LRRIQ3: variants seen among roughly 807,000 people sequenced by gnomAD.
LRRIQ3 encodes leucine rich repeats and IQ motif containing 3, also known as leucine-rich repeat and IQ domain-containing protein 3.
Under a neutral mutation model 59.3 loss-of-function variants are expected in LRRIQ3, and 75 were observed. That is an observed-to-expected ratio of 1.26 (90% confidence interval 1.05 to 1.53). LRRIQ3 has a LOEUF of 1.53. Among genes scored for constraint, LRRIQ3 ranks in the 40% most tolerant of loss-of-function variants. The pLI is 0.00. For missense variants in LRRIQ3, 831 were observed against 710.0 expected (o/e 1.17, Z -1.94); for synonymous variants, 250 against 231.3 (o/e 1.08, Z -0.73).
intron 7 of LRRIQ3, among the ~76,000 whole-genome samples, chr1:74,037,873 C>T (rs2100378680): frequency 6.6e-6 from 1 of 152,288 alleles, no homozygotes; most frequent in South Asian, 2.1e-4. Context: ...GAGGATCCCA[C>T]TCATGAACCC....
At chr1:74,101,232 T>A (rs537267974) in intron 5 of LRRIQ3, among the ~76,000 whole-genome samples, 20 of 151,926 alleles carry the variant, frequency 1.3e-4, no homozygotes, top group Non-Finnish European at 2.4e-4. Flanking sequence ...AACAACCCCA[T>A]CAAAAAGTGG....
chr1:74,163,708 T>A (rs1648794714), intron 3 of LRRIQ3, among the ~76,000 whole-genome samples: 1 of 151,618 alleles, frequency 6.6e-6, no homozygotes, highest in Admixed American at 6.6e-5. Context: ...CCAATAAAAC[T>A]GCTTTAAACA....
chr1:74,075,440 G>T (rs1229351020), intron 5 of LRRIQ3, among the ~76,000 whole-genome samples: 1 of 151,944 alleles, frequency 6.6e-6, no homozygotes, highest in Non-Finnish European at 1.5e-5. Context: ...GGTGGTGCAT[G>T]CCTGTAATCC....
chr1:74,196,068 C>A (rs1475768744), intron 1 of LRRIQ3, among the ~76,000 whole-genome samples: 1 of 151,710 alleles, frequency 6.6e-6, no homozygotes, highest in African/African-American at 2.4e-5. Context: ...GAAGCCATAG[C>A]TGATAATATG....
intron 6 of LRRIQ3, among the ~76,000 whole-genome samples, chr1:74,047,202 T>C (rs970156537): frequency 1.3e-5 from 2 of 152,108 alleles, no homozygotes; most frequent in African/African-American, 4.8e-5. Flanking sequence ...CAAATGCCCA[T>C]CACTGATAGA....
intron 6 of LRRIQ3, among the ~76,000 whole-genome samples, chr1:74,063,089 C>A (rs576890513): frequency 6.7e-6 from 1 of 149,614 alleles, no homozygotes; most frequent in Non-Finnish European, 1.5e-5. Context: ...AAAATCAAAA[C>A]AAAACAAAAC....
chr1:74,075,970 A>G (rs1011387869), intron 5 of LRRIQ3, among the ~76,000 whole-genome samples: 1 of 152,082 alleles, frequency 6.6e-6, no homozygotes, highest in Non-Finnish European at 1.5e-5. Context: ...TCTTCAAATA[A>G]CTTCTGTTTA....
At chr1:74,069,450 T>C (rs1654958949) in intron 6 of LRRIQ3, among the ~76,000 whole-genome samples, 1 of 151,956 alleles carries the variant, frequency 6.6e-6, no homozygotes, top group South Asian at 2.1e-4. Flanking sequence ...TTTAAAAATG[T>C]CTGACCTACA....
chr1:74,075,594 G>A (rs901923629), intron 5 of LRRIQ3, among the ~76,000 whole-genome samples: 5 of 151,978 alleles, frequency 3.3e-5, no homozygotes, highest in Admixed American at 3.3e-4. Flanking sequence ...AAAGAAAAAG[G>A]ACAAATGGAT....
chr1:74,062,650 C>T (rs1418325157), intron 6 of LRRIQ3, among the ~76,000 whole-genome samples: 12 of 152,090 alleles, frequency 7.9e-5, no homozygotes, highest in Admixed American at 7.9e-4. Context: ...GAATACCATG[C>T]AGCCATGAAA....
intron 7 of LRRIQ3, among the ~76,000 whole-genome samples, 183 bp downstream of exon 7, chr1:74,041,030 G>C (rs1197356978): frequency 7.1e-6 from 1 of 140,584 alleles, no homozygotes; most frequent in East Asian, 2.1e-4. Flanking sequence ...GGGAAAGACA[G>C]AGTTATTTTA....
intron 5 of LRRIQ3, among the ~76,000 whole-genome samples, chr1:74,077,211 C>T (rs1444376738): frequency 4.0e-5 from 6 of 151,148 alleles, no homozygotes; most frequent in Admixed American, 6.6e-5. Flanking sequence ...TGATCACTCT[C>T]GTATTTTCCT....
intron 6 of LRRIQ3, among the ~76,000 whole-genome samples, chr1:74,074,111 A>G (rs1406859668): frequency 6.6e-6 from 1 of 152,190 alleles, no homozygotes; most frequent in African/African-American, 2.4e-5. Context: ...ACATAGCCAT[A>G]CAGTAACAAA....
At chr1:74,055,217 C>CAA (rs1475181668) in intron 6 of LRRIQ3, among the ~76,000 whole-genome samples, 32 of 144,132 alleles carry the variant, frequency 2.2e-4, no homozygotes, top group African/African-American at 8.4e-4. Context: ...TATATACACA[C>CAA]ACATACATAT....
intron 3 of LRRIQ3, among the ~76,000 whole-genome samples, chr1:74,179,395 T>C (rs567764038): frequency 1.3e-5 from 2 of 152,090 alleles, no homozygotes; most frequent in African/African-American, 4.8e-5. Flanking sequence ...CTATTAGATT[T>C]GTCTCTTTTC....
chr1:74,107,245 T>C (rs886211545), intron 5 of LRRIQ3, among the ~76,000 whole-genome samples: 12 of 152,034 alleles, frequency 7.9e-5, no homozygotes. Flanking sequence ...CTTCATCTAA[T>C]TACTGAACCT....
Position 74,151,673 on chromosome 1 carries a change from G to A in LRRIQ3, c.707+4060C>T, listed in dbSNP as rs147193737. Among the ~76,000 whole-genome samples, 252 of 152,170 alleles carry A rather than the reference G, an allele frequency of 1.7e-3. 1 individual carries two copies. The highest frequency in any genetic ancestry group is 5.1e-3 in the African/African-American group (212 of 41,516). On this transcript the variant is annotated intron_variant, in intron 4 of 7. Transcript: ENST00000354431. ...AGATCTAAAGGATCTGAAGCATTCC[G>A]GGACTCTAAACCCCCAAAACTAACC...
Position 74,182,820 on chromosome 1 carries a change from C to G in LRRIQ3, c.291G>C (p.Lys97Asn). 1 of 1,564,802 alleles carries G rather than the reference C, an allele frequency of 6.4e-7. No individual in the cohort carries two copies. The highest frequency in any genetic ancestry group is 8.7e-7 in the Non-Finnish European group (1 of 1,155,282). ...CATGAAGATAGAGTAGTTTTAGGTT[C>G]TTCAATCCATTCCAAAATTTGGTAT... ...LPNTKFWNGL[K>N]NLKLLYLHDN... The change falls in exon 3 of 8, where the codon AAG becomes AAC. Residue 97 changes from lysine to asparagine, a missense_variant. Lys to Asn is a moderately conservative substitution (Grantham distance 94). Coordinates refer to ENST00000354431, the MANE Select transcript of LRRIQ3 (RefSeq NM_001105659.2).
intron 1 of LRRIQ3, among the ~76,000 whole-genome samples, chr1:74,189,235 G>A (rs1340986170): frequency 6.6e-6 from 1 of 152,094 alleles, no homozygotes; most frequent in Non-Finnish European, 1.5e-5. Flanking sequence ...CTTTCTACAT[G>A]CTTAAGGGCT....
Sources: allele counts gnomAD v4.1 joint callset (sites outside exome capture counted in the v4.1 genomes callset), GRCh38; gene constraint gnomAD v4.1.1; transcripts MANE v1.5; gene names NCBI Gene and HGNC (gene_info 2026-07-23, HGNC 2026-07-21).